SLC27A5: variants seen among roughly 807,000 people sequenced by gnomAD.
SLC27A5 encodes the protein long-chain fatty acid transport protein 5.
SLC27A5 carries 47 observed loss-of-function variants against 63.1 expected under a neutral mutation model. The ratio of observed to expected loss-of-function variants is 0.74; its 90% CI spans 0.59 to 0.95. The LOEUF (loss-of-function observed/expected upper bound fraction) is 0.95, where lower values mean the gene tolerates loss of function less well. Ranked by LOEUF, SLC27A5 falls within the 40% of genes least tolerant of loss-of-function variation. The probability of loss-of-function intolerance (pLI) is 0.00; values close to 1 mark genes in which losing one functional copy is unlikely to be tolerated. For synonymous variants in SLC27A5, 391 were observed against 403.8 expected (o/e 0.97, Z 0.38); for missense variants, 940 against 921.0 (o/e 1.02, Z -0.27).
In SLC27A5 at chr19:58,498,434, G is replaced by T; in HGVS notation, c.*81C>A. On this transcript the variant is annotated 3_prime_UTR_variant, in exon 10 of 10. Coordinates refer to ENST00000263093, the MANE Select transcript of SLC27A5 (RefSeq NM_012254.3). ...TATGGCCAGGCTGGGATTCACACAGGCCCAGGATGAAAGGGACACCGAGTG... is the reference window on the plus strand; with the variant it reads ...TATGGCCAGGCTGGGATTCACACAGTCCCAGGATGAAAGGGACACCGAGTG... 1 of 1,424,302 alleles carries T rather than the reference G, an allele frequency of 7.0e-7. No individual in the cohort carries two copies. The allele number at this position is 1,424,302 out of a possible 1,614,324, so 88.2% of individuals were successfully genotyped here.
Position 58,501,340 on chromosome 19 carries a change from C to A in SLC27A5, c.1128G>T (p.Val376=). ...CFWDDCRQHG[V]TVILYVGELL... ...GCTCGCCCACATACAGGATCACTGT[C>A]ACGCCATGCTGCCGACAGTCATCCC... The change falls in exon 4 of 10, where the codon GTG becomes GTT. Residue 376 remains valine, a synonymous_variant. Transcript: ENST00000263093. 6.2e-7 allele frequency: 1 copy of A among 1,613,836 alleles called. No homozygotes were observed. The highest frequency in any genetic ancestry group is 1.1e-5 in the South Asian group (1 of 91,054).
chr19:58,505,864 AAC>A (rs1555794233), intron 3 of SLC27A5, among the ~76,000 whole-genome samples: 4 of 150,684 alleles, frequency 2.7e-5, no homozygotes, highest in African/African-American at 9.8e-5. Flanking sequence ...AAAAAAAAAA[AAC>A]ATTTGGCCGG....
In SLC27A5 at chr19:58,509,942, A is replaced by G. The variant is rs1222599814; in HGVS notation, c.962T>C (p.Leu321Ser). 6.2e-7 allele frequency: 1 copy of G among 1,614,086 alleles called. No homozygotes were observed. ...RVLQMSKMLS[L>S]SGATADDVVY... ...CACATCATCAGCTGTGGCCCCAGAT[A>G]AGGACAGCATCTTGCTCATCTGCAG... Residue 321 changes from leucine to serine, a missense_variant, in exon 3 of 10, where the codon TTA becomes TCA. Transcript: ENST00000263093.
At chr19:58,501,243 A>C (rs764041954) in intron 4 of SLC27A5, 43 bp downstream of exon 4, 2 of 1,598,482 alleles carry the variant, frequency 1.3e-6, no homozygotes, top group South Asian at 2.2e-5. Context: ...CTGGGATTTC[A>C]TACTTGGGTG....
At position 58,510,940 on chromosome 19, in the gene SLC27A5, T is replaced by C. The variant is rs766770530; in HGVS notation, c.689-10A>G. On this transcript the variant is annotated splice_polypyrimidine_tract_variant and intron_variant, in intron 1 of 9. Coordinates refer to ENST00000263093, the MANE Select transcript of SLC27A5 (RefSeq NM_012254.3). ...AGGCTCTCCCGGAGGTCTGCAGAGA[T>C]GGGTCAGAGGAGAAACAGAGGCAAG... The C allele has an allele frequency of 1.3e-6, 2 of 1,582,836 alleles. No individual in the cohort carries two copies. The highest frequency in any genetic ancestry group is 1.7e-5 in the Admixed American group (1 of 57,260).
Position 58,499,694 on chromosome 19 carries a change from G to C in SLC27A5, c.1469-4C>G, listed in dbSNP as rs538234724. ...GTCAGCAGCAGCCCCGGCTCCCCTG[G>C]GGTAGGAGCAGGAACAAGAACCCCT... On this transcript the variant is annotated splice_polypyrimidine_tract_variant and splice_region_variant and intron_variant, in intron 6 of 9. Coordinates refer to ENST00000263093, the MANE Select transcript of SLC27A5 (RefSeq NM_012254.3). 9 of 1,610,500 alleles carry C rather than the reference G, an allele frequency of 5.6e-6. No individual in the cohort carries two copies. Among genetic ancestry groups the C allele is most frequent in the Non-Finnish European group, 6.8e-6 (8 of 1,179,908 alleles).
At chr19:58,509,671 G>A in intron 3 of SLC27A5, 176 bp downstream of exon 3, 1 of 561,530 alleles carries the variant, frequency 1.8e-6, no homozygotes, top group South Asian at 2.5e-5. Flanking sequence ...CAGGGACTGT[G>A]TGGGTGTCCA....
At chr19:58,505,496 G>A (rs1358573561) in intron 3 of SLC27A5, among the ~76,000 whole-genome samples, 1 of 151,782 alleles carries the variant, frequency 6.6e-6, no homozygotes, top group African/African-American at 2.4e-5. Context: ...TCCTCCCAAA[G>A]TGCTGGGATT....
chr19:58,511,108 G>T, intron 1 of SLC27A5, 160 bp downstream of exon 1: 1 of 947,560 alleles, frequency 1.1e-6, no homozygotes, highest in Non-Finnish European at 1.5e-6. Context: ...ATTAAACTCT[G>T]ATGACCTGAG....
rs372079640 is a variant in SLC27A5 at position 58,510,810 on chromosome 19, G to A, written c.809C>T (p.Ala270Val). Residue 270 changes from alanine to valine, a missense_variant, in exon 2 of 10, where the codon GCA becomes GTA. Physicochemically the swap from Ala to Val is moderately conservative, Grantham distance 64 (BLOSUM62 0). Transcript: ENST00000263093. Reference protein sequence around the residue: ...GVGALGAALDAAPSHPVPADL... With the variant: ...GVGALGAALDVAPSHPVPADL... ...AGCAGGCACTGGGTGGGAGGGCGCT[G>A]CATCCAGGGCAGCCCCCAGAGCCCC... is the stretch of plus-strand genomic sequence containing the variant. 2 of 1,613,324 alleles carry A rather than the reference G, an allele frequency of 1.2e-6. No individual in the cohort carries two copies. The highest frequency in any genetic ancestry group is 1.7e-6 in the Non-Finnish European group (2 of 1,179,804).
Position 58,510,704 on chromosome 19 carries a change from C to A in SLC27A5, c.898+17G>T. Reference sequence around the variant, plus strand: ...GAGAGTTCAGAGGCTGGTGCTAGGGCTAATGGGCACCCTCACCAGTGGTCC... The same window carrying A: ...GAGAGTTCAGAGGCTGGTGCTAGGGATAATGGGCACCCTCACCAGTGGTCC... On this transcript the variant is annotated intron_variant, in intron 2 of 9. Transcript: ENST00000263093. The A allele has an allele frequency of 1.3e-6, 2 of 1,583,078 alleles. No homozygotes were observed.
chr19:58,499,397 C>G, intron 7 of SLC27A5, 95 bp downstream of exon 7: 3 of 1,433,244 alleles, frequency 2.1e-6, no homozygotes, highest in Non-Finnish European at 2.9e-6. Context: ...CCTCTTACGA[C>G]AGGAAAGTCC....
intron 3 of SLC27A5, 46 bp from the exon 4 acceptor site, chr19:58,501,456 G>T: frequency 6.3e-7 from 1 of 1,594,010 alleles, no homozygotes; most frequent in African/African-American, 1.3e-5. Context: ...CTTCCAAATT[G>T]TTGTAAGAAG....
In SLC27A5 at chr19:58,500,611, A is replaced by C. The variant is rs2053263766; in HGVS notation, c.1278T>G (p.Ile426Met). The C allele has an allele frequency of 6.2e-7, 1 of 1,614,092 alleles. No individual in the cohort carries two copies. Among genetic ancestry groups the C allele is most frequent in the Non-Finnish European group, 8.5e-7 (1 of 1,180,022 alleles). ...TGGAGCCGTAGACTTCCCAGATCCGAATAGGACCGAAGCGCTGCTGGAAGG... is the reference window on the plus strand; with the variant it reads ...TGGAGCCGTAGACTTCCCAGATCCGCATAGGACCGAAGCGCTGCTGGAAGG... ...WETFQQRFGP[I>M]RIWEVYGSTE... The change falls in exon 5 of 10, where the codon ATT becomes ATG. Residue 426 changes from isoleucine to methionine, a missense_variant. Coordinates refer to ENST00000263093, the MANE Select transcript of SLC27A5 (RefSeq NM_012254.3).
In SLC27A5 at chr19:58,498,875, G is replaced by C. The variant is rs1276857061; in HGVS notation, c.1806C>G (p.Ala602=). 1 of 1,613,730 alleles carries C rather than the reference G, an allele frequency of 6.2e-7. No individual in the cohort carries two copies. Among genetic ancestry groups the C allele is most frequent in the South Asian group, 1.1e-5 (1 of 91,084 alleles). Residue 602 remains alanine, a synonymous_variant, in exon 9 of 10, where the codon GCC becomes GCG. Transcript: ENST00000263093. ...TCTCCCCGTCGAAAGTCTGGCCGGG[G>C]GCTAGCTGCACAGCAGCCATGCCCA... ...GKVGMAAVQL[A]PGQTFDGEKL...
chr19:58,499,750 G>T, intron 6 of SLC27A5, 60 bp from the exon 7 acceptor site: 1 of 1,547,520 alleles, frequency 6.5e-7, no homozygotes, highest in Non-Finnish European at 8.8e-7. Flanking sequence ...CCTGCTGGAG[G>T]TTTTCAACAA....
chr19:58,499,400 G>T (rs544782587), intron 7 of SLC27A5, 92 bp downstream of exon 7: 82 of 1,445,560 alleles, frequency 5.7e-5, no homozygotes, highest in Non-Finnish European at 7.4e-5. Flanking sequence ...CTTACGACAG[G>T]AAAGTCCCGC....
intron 7 of SLC27A5, 51 bp from the exon 8 acceptor site, chr19:58,499,271 C>G: frequency 6.4e-7 from 1 of 1,554,872 alleles, no homozygotes; most frequent in Non-Finnish European, 8.8e-7. Flanking sequence ...AAGGAGAGGC[C>G]CCGCCTCTTG....
chr19:58,505,395 C>T (rs922696108), intron 3 of SLC27A5, among the ~76,000 whole-genome samples: 3 of 149,798 alleles, frequency 2.0e-5, no homozygotes, highest in African/African-American at 4.9e-5. Context: ...CACCATGCCC[C>T]GGTAATTTTT....
Sources: gnomAD v4.1 joint callset for allele counts (sites outside exome capture counted in the v4.1 genomes callset) on GRCh38, gnomAD v4.1.1 for gene constraint, MANE v1.5 for transcripts, NCBI Gene and HGNC (gene_info 2026-07-23, HGNC 2026-07-21) for gene names.